Variants in SLIT3 observed in about 807,000 individuals in gnomAD.
The protein encoded by SLIT3 is slit homolog 3 protein.
Under a neutral mutation model 184.0 loss-of-function variants are expected in SLIT3, and 68 were observed. The ratio of observed to expected loss-of-function variants is 0.37; its 90% confidence interval spans 0.30 to 0.45. The LOEUF is 0.45. SLIT3 is among the 20% of genes least tolerant of loss of function. The pLI, the probability that SLIT3 is intolerant of heterozygous loss-of-function variation, is 1.00. For missense variants in SLIT3, 1,707 were observed against 2,026.0 expected (o/e 0.84, Z 3.02); for synonymous variants, 831 against 828.6 (o/e 1.00, Z -0.05).
intron 6 of SLIT3, among the ~76,000 whole-genome samples, chr5:168,833,470 T>C (rs1043450337): frequency 3.9e-5 from 6 of 152,128 alleles, no homozygotes; most frequent in Middle Eastern, 3.2e-3. Context: ...ATCAATGATG[T>C]GGAATCTGGT....
chr5:168,863,863 T>C (rs1449536527), intron 5 of SLIT3, among the ~76,000 whole-genome samples: 1 of 152,140 alleles, frequency 6.6e-6, no homozygotes, highest in Non-Finnish European at 1.5e-5. Flanking sequence ...AAGTTTGCCT[T>C]TCCAGAAGCA....
At chr5:168,935,832 C>G (rs953054338) in intron 4 of SLIT3, among the ~76,000 whole-genome samples, 1 of 152,148 alleles carries the variant, frequency 6.6e-6, no homozygotes, top group African/African-American at 2.4e-5. Context: ...AACTGTGGTA[C>G]GGTTTCTTTG....
At chr5:169,216,646 G>A (rs1296917657) in intron 3 of SLIT3, among the ~76,000 whole-genome samples, 1 of 152,152 alleles carries the variant, frequency 6.6e-6, no homozygotes, top group East Asian at 1.9e-4. Flanking sequence ...TCTTTGCCCT[G>A]AGCCCTGATT....
chr5:169,113,138 T>A (rs1399061297), intron 4 of SLIT3, among the ~76,000 whole-genome samples: 1 of 152,186 alleles, frequency 6.6e-6, no homozygotes, highest in Non-Finnish European at 1.5e-5. Flanking sequence ...CGCCTTGTTG[T>A]GCAGCCATCA....
intron 3 of SLIT3, among the ~76,000 whole-genome samples, chr5:169,200,257 C>T (rs977484289): frequency 6.6e-6 from 1 of 152,228 alleles, no homozygotes; most frequent in Admixed American, 6.5e-5. Context: ...GTCAGCTGCC[C>T]AATCAGGCCC....
At chr5:168,846,443 C>T (rs990364370) in intron 5 of SLIT3, among the ~76,000 whole-genome samples, 23 of 152,242 alleles carry the variant, frequency 1.5e-4, no homozygotes, top group Admixed American at 1.3e-3. Context: ...GCCGCCGACT[C>T]CCTGCAGAGG....
At chr5:169,054,694 G>C (rs1045288070) in intron 4 of SLIT3, among the ~76,000 whole-genome samples, 7 of 152,188 alleles carry the variant, frequency 4.6e-5, no homozygotes, top group Non-Finnish European at 1.0e-4. Flanking sequence ...CTCCTACAGG[G>C]AATCCTTTAC....
intron 1 of SLIT3, among the ~76,000 whole-genome samples, chr5:169,264,199 G>A (rs1453390375): frequency 6.6e-6 from 1 of 151,746 alleles, no homozygotes; most frequent in Non-Finnish European, 1.5e-5. Flanking sequence ...TTTGGTTTTG[G>A]GGGTTGTTTT....
At chr5:168,806,884 G>C (rs895753745) in intron 8 of SLIT3, among the ~76,000 whole-genome samples, 2 of 152,144 alleles carry the variant, frequency 1.3e-5, no homozygotes, top group African/African-American at 4.8e-5. Context: ...ATGAAAATAT[G>C]CTGCCAGAAT....
In SLIT3 at chr5:168,685,778, T is replaced by C; in HGVS notation, c.3464A>G (p.Glu1155Gly). The C allele has an allele frequency of 6.2e-7, 1 of 1,612,912 alleles. No individual in the cohort carries two copies. The highest frequency in any genetic ancestry group is 8.5e-7 in the Non-Finnish European group (1 of 1,179,358). ...CPPGFAGPRC[E>G]KLITVNFVGK... is the part of the protein sequence containing the mutation. ...CACGAAGTTGACAGTGATGAGCTTC[T>C]CGCATCTGGGGCCGGCGAAGCCTGG... is the stretch of plus-strand genomic sequence containing the variant. Residue 1155 changes from glutamate to glycine, a missense_variant, in exon 31 of 36, where the codon GAG becomes GGG. Glu to Gly is a moderately conservative substitution (Grantham distance 98, BLOSUM62 -2). Around this residue, in one of 3 missense-constraint regions of SLIT3, gnomAD observed 13 missense variants for 36.4 expected, o/e 0.36. Transcript: ENST00000519560.
chr5:168,829,260 A>G (rs1389519700), intron 6 of SLIT3, among the ~76,000 whole-genome samples: 2 of 152,228 alleles, frequency 1.3e-5, no homozygotes, highest in East Asian at 1.9e-4. Flanking sequence ...TTGTGTGTCC[A>G]TAACACCATG....
chr5:168,974,600 G>A (rs1030160983), intron 4 of SLIT3, among the ~76,000 whole-genome samples: 3 of 152,132 alleles, frequency 2.0e-5, no homozygotes, highest in Admixed American at 6.5e-5. Context: ...TCTAAGATCC[G>A]TAGAACTTTT....
rs1554143155 is a variant in SLIT3 at position 168,804,330 on chromosome 5, A to AAAAC, written c.935+2115_935+2116insGTTT. Among the ~76,000 whole-genome samples the AAAAC allele has an allele frequency of 2.7e-3, 352 of 129,248 alleles. 7 individuals carry two copies. Among genetic ancestry groups the AAAAC allele is most frequent in the African/African-American group, 7.5e-3 (291 of 38,584 alleles). The allele number at this position is 129,248 out of a possible 152,430, so 84.8% of individuals were successfully genotyped here. A position where few individuals can be genotyped will look rare whatever the true frequency, so the allele number is the denominator to read the frequency against. ...TTTCTCAAAAAAAAAAAAAAAAAAA[A>AAAAC]AAAAAAAAAGATGAAAGGGAAACAG... On this transcript the variant is annotated intron_variant, in intron 9 of 35. Coordinates refer to ENST00000519560, the MANE Select transcript of SLIT3 (RefSeq NM_003062.4).
chr5:169,296,866 C>T (rs1251446132), intron 1 of SLIT3, among the ~76,000 whole-genome samples: 2 of 152,200 alleles, frequency 1.3e-5, no homozygotes, highest in East Asian at 1.9e-4. Flanking sequence ...TCCACTCTTG[C>T]CCCCACTCCA....
intron 4 of SLIT3, among the ~76,000 whole-genome samples, chr5:168,946,853 C>T (rs1762497570): frequency 6.6e-6 from 1 of 152,204 alleles, no homozygotes. Flanking sequence ...GCTCCCCTCC[C>T]CTTCGAACAC....
chr5:168,795,439 A>T (rs1270559880), intron 10 of SLIT3, 68 bp downstream of exon 10: 2 of 1,222,276 alleles, frequency 1.6e-6, no homozygotes, highest in Non-Finnish European at 2.4e-6. Context: ...CAGGTTGCCC[A>T]CTACACATTG....
chr5:168,914,300 T>G (rs1562003612), intron 4 of SLIT3, among the ~76,000 whole-genome samples: 2 of 152,186 alleles, frequency 1.3e-5, no homozygotes, highest in Non-Finnish European at 2.9e-5. Context: ...GTAGTTCACA[T>G]TGACTCTGTA....
chr5:168,687,623 GGTCA>G (rs1466867645), intron 29 of SLIT3, among the ~76,000 whole-genome samples: 3 of 152,064 alleles, frequency 2.0e-5, no homozygotes, highest in Admixed American at 1.3e-4. Context: ...GTTCTAAGTG[GGTCA>G]GTCACTCATT....
chr5:169,238,738 C>A (rs752721787), intron 3 of SLIT3, among the ~76,000 whole-genome samples: 1 of 152,034 alleles, frequency 6.6e-6, no homozygotes, highest in South Asian at 2.1e-4. Context: ...AAGTTTCTTA[C>A]CAATGTTAGA....
Sources: allele counts gnomAD v4.1 joint callset (sites outside exome capture counted in the v4.1 genomes callset), GRCh38; gene constraint gnomAD v4.1.1; regional missense constraint gnomAD v4.1.1; transcripts MANE v1.5; gene names NCBI Gene and HGNC (gene_info 2026-07-23, HGNC 2026-07-21).